The following MON2 variants were observed in gnomAD, a reference collection of about 807,000 sequenced individuals.
MON2 encodes MON2 regulator of endosome-to-Golgi trafficking, also known as protein MON2 homolog.
Under a neutral mutation model 208.6 loss-of-function variants are expected in MON2, and 84 were observed. That is an observed-to-expected ratio of 0.40 (90% CI 0.34 to 0.48). The LOEUF is 0.48. Among genes scored for constraint, MON2 ranks in the 20% least tolerant of loss-of-function variants. MON2 has a pLI of 0.59. For missense variants in MON2, 1,611 were observed against 2,015.4 expected (o/e 0.80, Z 3.84); for synonymous variants, 660 against 694.0 (o/e 0.95, Z 0.77).
intron 1 of MON2, among the ~76,000 whole-genome samples, chr12:62,483,841 A>G (rs1565959776): frequency 6.6e-6 from 1 of 152,204 alleles, no homozygotes; most frequent in Non-Finnish European, 1.5e-5. Flanking sequence ...TATTTTCAGT[A>G]GATTTTGTTT....
At position 62,524,647 on chromosome 12, in the gene MON2, C is replaced by T; in HGVS notation, c.1109+8C>T. 2 of 1,610,928 alleles carry T rather than the reference C, an allele frequency of 1.2e-6. No homozygotes were observed. The highest frequency in any genetic ancestry group is 1.7e-6 in the Non-Finnish European group (2 of 1,178,300). On this transcript the variant is annotated splice_region_variant and intron_variant, in intron 9 of 34. Coordinates refer to ENST00000393630, the MANE Select transcript of MON2 (RefSeq NM_015026.3). The stretch of plus-strand genomic sequence containing the variant: ...GCAGCCTCAACTATTAAGGTAAAAC[C>T]TCAGCAATAGTTTGTTAAATAGATA...
At position 62,534,920 on chromosome 12, in the gene MON2, A is replaced by C. The variant is rs1343806016; in HGVS notation, c.1709A>C (p.Asp570Ala). The C allele has an allele frequency of 6.2e-7, 1 of 1,609,352 alleles. No individual in the cohort carries two copies. Among genetic ancestry groups the C allele is most frequent in the East Asian group, 2.2e-5 (1 of 44,706 alleles). ...GLLAALSLLL[D>A]ASTDEAATEN... is the part of the protein sequence containing the mutation. ...CTTGCTGCACTCTCACTCCTTCTTGATGCCAGGTATTAAGTCTTTGTAAGT... is the reference window on the plus strand; with the variant it reads ...CTTGCTGCACTCTCACTCCTTCTTGCTGCCAGGTATTAAGTCTTTGTAAGT... The change falls in exon 13 of 35, where the codon GAT becomes GCT. Residue 570 changes from aspartate (D) to alanine (A), a missense_variant. By Grantham distance (126) the Asp-to-Ala change is moderately radical. Transcript: ENST00000393630.
Position 62,468,800 on chromosome 12 carries a change from C to T in MON2, c.111+1482C>T, listed in dbSNP as rs140977529. ...GTTTTAATTATAAGAGAAATGCTCT[C>T]ATTTAGAAAATATCAAACACTATTT... On this transcript the variant is annotated intron_variant, in intron 1 of 34. Coordinates refer to ENST00000393630, the MANE Select transcript of MON2 (RefSeq NM_015026.3). Among the ~76,000 whole-genome samples, 7 of 152,302 alleles carry T rather than the reference C, an allele frequency of 4.6e-5. No homozygotes were observed. The East Asian group carries it at 1.3e-3, about 29-fold the overall frequency.
rs542041850 is a variant in MON2, at chr12:62,543,988, T to C, written c.2466+790T>C. On this transcript the variant is annotated intron_variant, in intron 20 of 34. Transcript: ENST00000393630. ...ATAGATAGTGCTGGAGAATTTTACC[T>C]GGATTTACATTGTCTTACATTCAGG... is the stretch of plus-strand genomic sequence containing the variant. 4.6e-5 allele frequency among the ~76,000 whole-genome samples: 7 copies of C among 152,338 alleles called. No homozygotes were observed. In the East Asian group the frequency reaches 1.3e-3, roughly 29 times the overall value.
At position 62,538,407 on chromosome 12, in the gene MON2, C is replaced by G. The variant is rs374973208; in HGVS notation, c.2274-8C>G. 4 of 1,603,968 alleles carry G rather than the reference C, an allele frequency of 2.5e-6. No individual in the cohort carries two copies. The African/African-American group carries it at 5.4e-5, about 22-fold the overall frequency. On this transcript the variant is annotated splice_region_variant and splice_polypyrimidine_tract_variant and intron_variant, in intron 18 of 34. Transcript: ENST00000393630. Reference sequence around the variant, plus strand: ...TCAAGATGTCTTATTTCTTCATTTCCTTTTTAGGTATCTTGATGATGTATC... The same window carrying G: ...TCAAGATGTCTTATTTCTTCATTTCGTTTTTAGGTATCTTGATGATGTATC...
At chr12:62,488,296 C>T (rs2069912392) in intron 2 of MON2, among the ~76,000 whole-genome samples, 1 of 152,062 alleles carries the variant, frequency 6.6e-6, no homozygotes, top group South Asian at 2.1e-4. Flanking sequence ...CTAACCCAGC[C>T]TGGGAATCTG....
chr12:62,548,749 A>G (rs997568492), intron 22 of MON2, among the ~76,000 whole-genome samples: 1 of 152,208 alleles, frequency 6.6e-6, no homozygotes, highest in African/African-American at 2.4e-5. Flanking sequence ...GTGACATACT[A>G]AGCACTCAGA....
rs1000249118 is a variant in MON2, at chr12:62,599,107, T to A, written c.*6358T>A. On this transcript the variant is annotated 3_prime_UTR_variant, in exon 35 of 35. Transcript: ENST00000393630. The stretch of plus-strand genomic sequence containing the variant: ...GTAGTGAGTCACATGTTTAGGATGA[T>A]CACTTTGGGAAAAAAAAAATTATAG... The A allele has an allele frequency of 3.8e-5, 5 of 130,656 alleles. No homozygotes were observed. The highest frequency in any genetic ancestry group is 1.5e-4 in the African/African-American group (5 of 32,758). The allele number at this position is 130,656 out of a possible 1,614,324, so 8.1% of individuals were successfully genotyped here. A position where few individuals can be genotyped will look rare whatever the true frequency, so the allele number is the denominator to read the frequency against.
At chr12:62,497,393 A>G (rs1356962987) in intron 4 of MON2, among the ~76,000 whole-genome samples, 1 of 152,204 alleles carries the variant, frequency 6.6e-6, no homozygotes, top group Non-Finnish European at 1.5e-5. Flanking sequence ...TTAAAATAAT[A>G]TATTCAAATG....
rs2075189786 is a variant in MON2, at chr12:62,585,438, C to T, written c.4844C>T (p.Ser1615Phe). 6.2e-7 allele frequency: 1 copy of T among 1,613,550 alleles called. No individual in the cohort carries two copies. Among genetic ancestry groups the T allele is most frequent in the Non-Finnish European group, 8.5e-7 (1 of 1,179,622 alleles). The change falls in exon 33 of 35, where the codon TCC becomes TTC. Residue 1615 changes from serine to phenylalanine, a missense_variant. Physicochemically the swap from Ser to Phe is radical, Grantham distance 155. Transcript: ENST00000393630. ...GCACTCTCAGTGCTTTTAAAGAGGTCCCAAGATGTACTACATCGCTATATA... is the reference window on the plus strand; with the variant it reads ...GCACTCTCAGTGCTTTTAAAGAGGTTCCAAGATGTACTACATCGCTATATA... The part of the protein sequence containing the change: ...RMALSVLLKR[S>F]QDVLHRYIED...
At chr12:62,486,939 G>A (rs902673110) in intron 2 of MON2, among the ~76,000 whole-genome samples, 1 of 152,026 alleles carries the variant, frequency 6.6e-6, no homozygotes, top group African/African-American at 2.4e-5. Context: ...AATGATACTC[G>A]GCATAGATTT....
At chr12:62,483,798 G>A (rs1423431254) in intron 1 of MON2, among the ~76,000 whole-genome samples, 1 of 152,204 alleles carries the variant, frequency 6.6e-6, no homozygotes, top group East Asian at 1.9e-4. Context: ...GGTGGAGAGA[G>A]AGGAGGCTTG....
chr12:62,591,110 C>G (rs573171860), intron 34 of MON2, among the ~76,000 whole-genome samples: 18 of 152,304 alleles, frequency 1.2e-4, no homozygotes, highest in African/African-American at 3.8e-4. Flanking sequence ...TCTATCTAAT[C>G]TTTTGTTAAA....
chr12:62,585,948 CTTAG>C (rs749610454), intron 33 of MON2, among the ~76,000 whole-genome samples: 17 of 152,226 alleles, frequency 1.1e-4, no homozygotes, highest in Non-Finnish European at 2.1e-4. Context: ...CTAGCCTGAT[CTTAG>C]GTCTTCTTTT....
At chr12:62,588,441 T>A (rs1399564895) in intron 34 of MON2, among the ~76,000 whole-genome samples, 1 of 152,196 alleles carries the variant, frequency 6.6e-6, no homozygotes, top group Non-Finnish European at 1.5e-5. Context: ...CATATATTTT[T>A]AATGTAGAAG....
In MON2 at chr12:62,538,155, A is replaced by T; in HGVS notation, c.2178A>T (p.Arg726Ser). The change falls in exon 17 of 35, where the codon AGA becomes AGT. Residue 726 changes from arginine to serine, a missense_variant. Physicochemically the swap from Arg to Ser is moderately radical, Grantham distance 110. Transcript: ENST00000393630. ...PSSGGALKPG[R>S]AVEGPSTVLT... ...GTGGCGGTGCCTTGAAACCTGGGAG[A>T]GCTGTAGAAGGACCCAGTACAGTAA... 1 of 1,613,530 alleles carries T rather than the reference A, an allele frequency of 6.2e-7. No individual in the cohort carries two copies. The highest frequency in any genetic ancestry group is 8.5e-7 in the Non-Finnish European group (1 of 1,179,810).
rs756010597 is a variant in MON2, at chr12:62,499,040, G to A, written c.557G>A (p.Arg186Gln). The A allele has an allele frequency of 3.1e-6, 5 of 1,612,170 alleles. No homozygotes were observed. The highest frequency in any genetic ancestry group is 2.2e-5 in the South Asian group (2 of 90,764). ...VFERMVAEDE[R>Q]HRDIIEQPVL... is the part of the protein sequence containing the mutation. ...GAGAGGATGGTTGCTGAAGATGAACGACACAGAGGTAAAGTGCTAGAAGTT... is the reference window on the plus strand; with the variant it reads ...GAGAGGATGGTTGCTGAAGATGAACAACACAGAGGTAAAGTGCTAGAAGTT... The change falls in exon 5 of 35, where the codon CGA becomes CAA. Residue 186 changes from arginine to glutamine, a missense_variant. By Grantham distance (43) the Arg-to-Gln change is conservative (BLOSUM62 1). Transcript: ENST00000393630.
chr12:62,587,949 C>T, intron 33 of MON2, 125 bp from the exon 34 acceptor site: 1 of 590,890 alleles, frequency 1.7e-6, no homozygotes. Flanking sequence ...CTAACATTAA[C>T]CTTGCATTGT....
intron 20 of MON2, among the ~76,000 whole-genome samples, chr12:62,544,614 G>T (rs757639555): frequency 1.3e-5 from 2 of 152,040 alleles, no homozygotes; most frequent in Non-Finnish European, 2.9e-5. Context: ...ATTAATGAGG[G>T]TAAACTTAAT....
Sources: allele counts gnomAD v4.1 joint callset (sites outside exome capture counted in the v4.1 genomes callset), GRCh38; gene constraint gnomAD v4.1.1; transcripts MANE v1.5; gene names NCBI Gene and HGNC (gene_info 2026-07-23, HGNC 2026-07-21).